SPATA13: variants seen among roughly 807,000 people sequenced by gnomAD.
SPATA13 encodes spermatogenesis-associated protein 13.
SPATA13 carries 50 observed loss-of-function variants against 104.0 expected under a neutral mutation model. That is an observed-to-expected ratio of 0.48 (90% CI 0.38 to 0.61). SPATA13 has a LOEUF of 0.61. Ranked by LOEUF, SPATA13 falls within the 20% of genes least tolerant of loss-of-function variation. SPATA13 has a pLI of 0.00. For missense variants in SPATA13, 1,524 were observed against 1,690.6 expected, an observed-to-expected ratio of 0.90 and a Z score of 1.73; for synonymous variants, 606 against 667.5, an observed-to-expected ratio of 0.91 and a Z score of 1.42.
chr13:24,005,404 ATAG>A (rs999579222), intron 2 of SPATA13, among the ~76,000 whole-genome samples: 115 of 152,328 alleles, frequency 7.5e-4, no homozygotes, highest in African/African-American at 2.7e-3. Context: ...GCTCAGGAAT[ATAG>A]TGCTCACCTG....
chr13:24,222,455 T>G (rs1329422804), intron 1 of SPATA13, among the ~76,000 whole-genome samples: 2 of 149,158 alleles, frequency 1.3e-5, no homozygotes, highest in Admixed American at 6.7e-5. Flanking sequence ...AGGTTTTCTT[T>G]TGGTATTTCC....
chr13:24,266,451 A>G lies in SPATA13; in HGVS notation c.2164+14589A>G, dbSNP rs556599173. 6.6e-5 allele frequency among the ~76,000 whole-genome samples: 10 copies of G among 152,060 alleles called. No homozygotes were observed. The East Asian group carries it at 1.9e-3, about 30-fold the overall frequency. On this transcript the variant is annotated intron_variant, in intron 4 of 12. Coordinates refer to ENST00000382108, the MANE Select transcript of SPATA13 (RefSeq NM_001166271.3). ...AGGCATGTGTCACCAAGCTGGGCTA[A>G]TTTTTTTATTTTTTGTAGAGATGGG...
intron 4 of SPATA13, chr13:24,271,035 T>TCA: frequency 1.4e-6 from 1 of 704,706 alleles, no homozygotes; most frequent in Non-Finnish European, 2.6e-6. Context: ...TCTCTCTCTC[T>TCA]CTCTCACTCT....
At chr13:24,247,478 C>CTTTTTTTTT (rs10625714) in intron 2 of SPATA13, among the ~76,000 whole-genome samples, 895 of 87,042 alleles carry the variant, frequency 0.01, 134 homozygotes, top group African/African-American at 0.015. Flanking sequence ...TCCACATTCA[C>CTTTTTTTTT]TTTTTTTTTT....
chr13:24,085,709 G>C (rs1224216735), intron 3 of SPATA13, among the ~76,000 whole-genome samples: 4 of 152,234 alleles, frequency 2.6e-5, no homozygotes, highest in Non-Finnish European at 5.9e-5. Flanking sequence ...CAGTGAAGAG[G>C]GAACTGCTTG....
chr13:24,059,683 T>C (rs1878709405), intron 3 of SPATA13, among the ~76,000 whole-genome samples: 1 of 152,236 alleles, frequency 6.6e-6, no homozygotes, highest in South Asian at 2.1e-4. Flanking sequence ...ACCTAGTGAT[T>C]CTTGCACACT....
chr13:24,243,303 G>A (rs1872950424), intron 2 of SPATA13, among the ~76,000 whole-genome samples: 1 of 152,062 alleles, frequency 6.6e-6, no homozygotes, highest in Non-Finnish European at 1.5e-5. Flanking sequence ...TTATGCATGT[G>A]AACATATGAT....
At chr13:24,180,393 G>C (rs1868723828) in intron 1 of SPATA13, among the ~76,000 whole-genome samples, 1 of 152,100 alleles carries the variant, frequency 6.6e-6, no homozygotes, top group Admixed American at 6.5e-5. Flanking sequence ...CTTGATTCCT[G>C]TGGCTTTATA....
rs140604374 is a variant in SPATA13, at chr13:24,099,420, C to T, written c.-112+81719C>T. 9.1e-4 allele frequency among the ~76,000 whole-genome samples: 139 copies of T among 152,360 alleles called. 1 individual carries two copies. The highest frequency in any genetic ancestry group is 1.8e-3 in the Non-Finnish European group (122 of 68,026). Reference sequence around the variant, plus strand: ...AAATCAAATAAAAATGTTAGTTCCTCAGTCTCAGTGGCCACATTCCAAGTC... The same window carrying T: ...AAATCAAATAAAAATGTTAGTTCCTTAGTCTCAGTGGCCACATTCCAAGTC... On this transcript the variant is annotated intron_variant, in intron 3 of 14. Coordinates refer to the SPATA13 transcript ENST00000424834.
chr13:24,183,866 T>C (rs911715601), intron 1 of SPATA13, among the ~76,000 whole-genome samples: 1 of 152,156 alleles, frequency 6.6e-6, no homozygotes, highest in Non-Finnish European at 1.5e-5. Context: ...TTTTGCTCCA[T>C]GTGACTTTTA....
intron 1 of SPATA13, among the ~76,000 whole-genome samples, chr13:24,211,925 G>A (rs925589961): frequency 1.3e-5 from 2 of 152,140 alleles, no homozygotes. Flanking sequence ...TCGGCTGAAG[G>A]AGGCCACTTC....
chr13:23,990,569 G>A (rs1039627271), intron 2 of SPATA13, among the ~76,000 whole-genome samples: 3 of 152,056 alleles, frequency 2.0e-5, no homozygotes, highest in Admixed American at 2.0e-4. Context: ...TCTTCCTCTA[G>A]CAAGTCTTGC....
intron 1 of SPATA13, among the ~76,000 whole-genome samples, chr13:24,185,775 C>A (rs1593392551): frequency 2.0e-5 from 3 of 147,802 alleles, no homozygotes; most frequent in Admixed American, 6.8e-5. Context: ...AGAGAAAGAA[C>A]TAAAAGAATG....
chr13:24,039,154 A>G (rs1267192177), intron 3 of SPATA13, among the ~76,000 whole-genome samples: 1 of 152,242 alleles, frequency 6.6e-6, no homozygotes, highest in Non-Finnish European at 1.5e-5. Context: ...TGCTCTGTGC[A>G]CACAATGAAT....
intron 8 of SPATA13, 65 bp downstream of exon 8, chr13:24,289,243 A>T: frequency 7.8e-7 from 1 of 1,287,862 alleles, no homozygotes; most frequent in Non-Finnish European, 1.1e-6. Context: ...GCATCTCCAC[A>T]GAAAACAGGA....
intron 2 of SPATA13, among the ~76,000 whole-genome samples, chr13:24,243,139 T>C (rs1220596): frequency 0.99 from 150,599 of 152,360 alleles, 74,449 homozygotes; most frequent in Middle Eastern, 1. Flanking sequence ...CATTATACAA[T>C]GGGTTTTTCT....
At chr13:24,046,769 C>T (rs1878165114) in intron 3 of SPATA13, among the ~76,000 whole-genome samples, 1 of 152,002 alleles carries the variant, frequency 6.6e-6, no homozygotes, top group African/African-American at 2.4e-5. Context: ...GGTAAACATA[C>T]ACCCATTTCT....
intron 4 of SPATA13, chr13:24,278,940 CCTTCCTTCCCTCCTTCCTT>C (rs1875245523): frequency 1.2e-6 from 1 of 855,884 alleles, no homozygotes; most frequent in African/African-American, 2.1e-5. Flanking sequence ...TTCCTTCCTT[CCTTCCTTCCCTCCTTCCTT>C]CCTTCCCTCC....
intron 1 of SPATA13, among the ~76,000 whole-genome samples, chr13:24,185,124 T>G (rs1869065546): frequency 6.6e-6 from 1 of 152,226 alleles, no homozygotes; most frequent in Non-Finnish European, 1.5e-5. Flanking sequence ...CTGTAGCTCC[T>G]TGTGTGCCAC....
Sources: gnomAD v4.1 joint callset for allele counts (sites outside exome capture counted in the v4.1 genomes callset) on GRCh38, gnomAD v4.1.1 for gene constraint, MANE v1.5 for transcripts, NCBI Gene and HGNC (gene_info 2026-07-23, HGNC 2026-07-21) for gene names.